Variants in MDGA2 observed in about 807,000 individuals in gnomAD.
MDGA2 encodes the protein MAM domain containing glycosylphosphatidylinositol anchor 2.
Under a neutral mutation model 117.8 loss-of-function variants are expected in MDGA2, and 40 were observed. That is an observed-to-expected ratio of 0.34 (90% CI 0.26 to 0.44). The LOEUF is 0.44. MDGA2 is among the 20% of genes least tolerant of loss of function. The pLI is 1.00. For synonymous variants in MDGA2, 452 were observed against 439.0 expected (o/e 1.03, Z -0.37); for missense variants, 1,123 against 1,250.6 (o/e 0.90, Z 1.54).
intron 1 of MDGA2, among the ~76,000 whole-genome samples, chr14:47,616,506 C>T (rs1312931732): frequency 6.6e-6 from 1 of 152,108 alleles, no homozygotes. Context: ...TTATCTCAGA[C>T]ACCTTTTGCT....
chr14:47,614,095 C>CTTTTTTTTTTTTTTTTTTTTT (rs768294746), intron 1 of MDGA2, among the ~76,000 whole-genome samples: 1 of 101,706 alleles, frequency 9.8e-6, no homozygotes, highest in African/African-American at 3.8e-5. Flanking sequence ...TTTCTTTTTT[C>CTTTTTTTTTTTTTTTTTTTTT]TTTTTTTTTT....
intron 11 of MDGA2, among the ~76,000 whole-genome samples, chr14:46,878,708 A>G (rs767454966): frequency 3.3e-5 from 5 of 152,038 alleles, no homozygotes; most frequent in Non-Finnish European, 7.4e-5. Flanking sequence ...TAACAATTTA[A>G]TTTTTTGGCA....
rs147521140 is a variant in MDGA2 at position 47,163,525 on chromosome 14, C to T, written c.596-19251G>A. On this transcript the variant is annotated intron_variant, in intron 3 of 16. Coordinates refer to ENST00000399232, the MANE Select transcript of MDGA2 (RefSeq NM_001113498.3). ...CTTGAGCAGGCTCTCTTTTTGCCTG[C>T]CGCCATCCATGCAAGATATGACATG... Among the ~76,000 whole-genome samples the T allele has an allele frequency of 1.8e-3, 267 of 152,146 alleles. 1 individual carries two copies. Among genetic ancestry groups the T allele is most frequent in the Non-Finnish European group, 3.3e-3 (223 of 68,002 alleles).
intron 2 of MDGA2, among the ~76,000 whole-genome samples, chr14:47,230,902 T>G (rs899687614): frequency 2.6e-5 from 4 of 151,980 alleles, no homozygotes; most frequent in African/African-American, 9.7e-5. Context: ...CCTACACACA[T>G]TTGAAATATT....
chr14:47,528,476 G>A (rs988895092), intron 1 of MDGA2, among the ~76,000 whole-genome samples: 1 of 152,096 alleles, frequency 6.6e-6, no homozygotes, highest in South Asian at 2.1e-4. Flanking sequence ...GAAACTTGTG[G>A]CAACTTTCCA....
intron 3 of MDGA2, among the ~76,000 whole-genome samples, chr14:47,169,357 G>C (rs1884025332): frequency 6.6e-6 from 1 of 151,440 alleles, no homozygotes. Context: ...TGAGCCAATG[G>C]CTTATATGAT....
chr14:47,353,959 A>G (rs1006173135), intron 1 of MDGA2, among the ~76,000 whole-genome samples: 4 of 152,202 alleles, frequency 2.6e-5, no homozygotes, highest in African/African-American at 9.7e-5. Flanking sequence ...TTTCACCACA[A>G]TTAAGTGGGA....
intron 10 of MDGA2, among the ~76,000 whole-genome samples, chr14:46,910,794 C>T (rs1595038473): frequency 6.6e-6 from 1 of 152,106 alleles, no homozygotes; most frequent in Admixed American, 6.6e-5. Context: ...ACATATGCAC[C>T]AAGGAATGCT....
chr14:47,561,783 G>A (rs1429888838), intron 1 of MDGA2, among the ~76,000 whole-genome samples: 1 of 152,188 alleles, frequency 6.6e-6, no homozygotes, highest in East Asian at 1.9e-4. Flanking sequence ...AGTGGTGAGG[G>A]AGGACATCCT....
chr14:47,045,527 TCTGAAACAA>T (rs757130331), intron 7 of MDGA2, among the ~76,000 whole-genome samples: 14 of 152,062 alleles, frequency 9.2e-5, no homozygotes, highest in Non-Finnish European at 1.6e-4. Flanking sequence ...ACTTTTTTTT[TCTGAAACAA>T]CTAAGTAAAC....
intron 1 of MDGA2, among the ~76,000 whole-genome samples, chr14:47,638,893 T>A (rs1010292771): frequency 6.6e-6 from 1 of 152,184 alleles, no homozygotes; most frequent in East Asian, 1.9e-4. Context: ...TGGTTACCTC[T>A]CTGGTCTCAC....
intron 7 of MDGA2, among the ~76,000 whole-genome samples, chr14:47,051,114 T>C (rs1024064698): frequency 2.6e-5 from 4 of 151,918 alleles, no homozygotes; most frequent in African/African-American, 9.7e-5. Context: ...TAATCTAAGA[T>C]TTTAAGGCAT....
intron 5 of MDGA2, among the ~76,000 whole-genome samples, chr14:47,128,303 C>CTGAGATAAAAATAA: frequency 6.6e-6 from 1 of 152,042 alleles, no homozygotes; most frequent in African/African-American, 2.4e-5. Flanking sequence ...GAGATAAAAA[C>CTGAGATAAAAATAA]ACTAAAGATT....
chr14:47,332,624 CTA>C (rs748565988), intron 1 of MDGA2, among the ~76,000 whole-genome samples: 38 of 151,962 alleles, frequency 2.5e-4, no homozygotes, highest in Non-Finnish European at 4.1e-4. Context: ...GAAAATAATT[CTA>C]GTTTCATATT....
intron 1 of MDGA2, among the ~76,000 whole-genome samples, chr14:47,566,206 G>A (rs117665412): frequency 0.014 from 2,191 of 152,264 alleles, 38 homozygotes; most frequent in South Asian, 0.069. Flanking sequence ...GTGTCAGCAA[G>A]GGCTGCTCTA....
At chr14:47,597,411 C>A (rs999444333) in intron 1 of MDGA2, among the ~76,000 whole-genome samples, 24 of 151,348 alleles carry the variant, frequency 1.6e-4, no homozygotes, top group African/African-American at 5.8e-4. Flanking sequence ...TTTTTTCTTT[C>A]CAGCAAATTC....
intron 1 of MDGA2, among the ~76,000 whole-genome samples, chr14:47,487,588 T>C (rs760207559): frequency 6.6e-6 from 1 of 152,212 alleles, no homozygotes; most frequent in Non-Finnish European, 1.5e-5. Context: ...TTGGCTTTAT[T>C]ATTATGTCAT....
chr14:47,549,450 G>C (rs991284069), intron 1 of MDGA2, among the ~76,000 whole-genome samples: 1 of 151,558 alleles, frequency 6.6e-6, no homozygotes, highest in African/African-American at 2.4e-5. Context: ...ACTACCCAGA[G>C]TCAATGGTTT....
intron 1 of MDGA2, among the ~76,000 whole-genome samples, chr14:47,344,728 C>T (rs374301873): frequency 6.1e-5 from 9 of 148,202 alleles, no homozygotes; most frequent in East Asian, 6.1e-4. Flanking sequence ...TTTCTTTTTT[C>T]GCATGTAAAT....
Sources: allele counts gnomAD v4.1 joint callset (sites outside exome capture counted in the v4.1 genomes callset), GRCh38; gene constraint gnomAD v4.1.1; transcripts MANE v1.5; gene names NCBI Gene and HGNC (gene_info 2026-07-23, HGNC 2026-07-21).